The following TAFA1 variants were observed in gnomAD, a reference collection of about 807,000 sequenced individuals.
The protein encoded by TAFA1 is TAFA chemokine like family member 1.
In TAFA1, 4 loss-of-function variants were observed where a neutral mutation model predicts 18.5. The observed-to-expected ratio is 0.22, with a 90% CI of 0.11 to 0.49. The LOEUF (loss-of-function observed/expected upper bound fraction) is 0.49, where lower values mean the gene tolerates loss of function less well. Ranked by LOEUF, TAFA1 falls within the 20% of genes least tolerant of loss-of-function variation. TAFA1 has a pLI of 0.98. For missense variants in TAFA1, 147 were observed against 169.0 expected, an observed-to-expected ratio of 0.87 and a Z score of 0.72; for synonymous variants, 56 against 55.2, an observed-to-expected ratio of 1.01 and a Z score of -0.06.
intron 2 of TAFA1, among the ~76,000 whole-genome samples, chr3:68,120,295 G>T (rs1306686305): frequency 3.4e-5 from 5 of 146,894 alleles, no homozygotes; most frequent in Non-Finnish European, 7.4e-5. Context: ...TGTTGCCCAG[G>T]CTGGAGTGCA....
intron 2 of TAFA1, among the ~76,000 whole-genome samples, chr3:68,046,848 G>GA (rs2064392628): frequency 6.6e-6 from 1 of 152,126 alleles, no homozygotes; most frequent in Non-Finnish European, 1.5e-5. Flanking sequence ...ACATGCTGCT[G>GA]TACTGTATCT....
chr3:68,224,670 A>G (rs959690975), intron 2 of TAFA1, among the ~76,000 whole-genome samples: 2 of 152,146 alleles, frequency 1.3e-5, no homozygotes, highest in African/African-American at 4.8e-5. Context: ...ATAGGCTCTC[A>G]TTTATGGCAG....
chr3:68,288,192 C>A (rs1169095994), intron 2 of TAFA1, among the ~76,000 whole-genome samples: 1 of 152,104 alleles, frequency 6.6e-6, no homozygotes, highest in East Asian at 1.9e-4. Flanking sequence ...CTGCTCCTTG[C>A]AGTAATAACT....
At chr3:68,338,388 G>C (rs541933984) in intron 2 of TAFA1, among the ~76,000 whole-genome samples, 43 of 152,262 alleles carry the variant, frequency 2.8e-4, no homozygotes, top group Middle Eastern at 6.8e-3. Context: ...ACAAAAATAT[G>C]CTTTGTTTGT....
intron 2 of TAFA1, among the ~76,000 whole-genome samples, chr3:68,328,778 C>T (rs980042420): frequency 1.3e-5 from 2 of 151,648 alleles, no homozygotes; most frequent in African/African-American, 2.4e-5. Flanking sequence ...ATGTATATGG[C>T]CTTGCATCTC....
chr3:68,377,716 C>A (rs1187183548), intron 2 of TAFA1, among the ~76,000 whole-genome samples: 1 of 152,158 alleles, frequency 6.6e-6, no homozygotes, highest in East Asian at 1.9e-4. Flanking sequence ...ACAGGCCTTG[C>A]AGCCTAAAAG....
At chr3:68,189,727 T>G (rs1462059443) in intron 2 of TAFA1, among the ~76,000 whole-genome samples, 1 of 151,944 alleles carries the variant, frequency 6.6e-6, no homozygotes, top group African/African-American at 2.4e-5. Flanking sequence ...GTTTCTTCAT[T>G]TCTAAAATGA....
intron 2 of TAFA1, among the ~76,000 whole-genome samples, chr3:68,224,793 G>A (rs1464553102): frequency 6.7e-6 from 1 of 150,080 alleles, no homozygotes; most frequent in African/African-American, 2.4e-5. Context: ...AGCAAAAGGA[G>A]ATTCTAGACT....
intron 2 of TAFA1, among the ~76,000 whole-genome samples, chr3:68,140,950 G>C (rs769543701): frequency 6.6e-6 from 1 of 152,116 alleles, no homozygotes; most frequent in Non-Finnish European, 1.5e-5. Context: ...TGTATAATTT[G>C]TTAAAGTGAC....
intron 2 of TAFA1, among the ~76,000 whole-genome samples, chr3:68,385,711 C>A (rs918706112): frequency 6.6e-6 from 1 of 151,994 alleles, no homozygotes; most frequent in African/African-American, 2.4e-5. Context: ...GTAGGCCAAA[C>A]TCTACTTGCC....
intron 2 of TAFA1, among the ~76,000 whole-genome samples, chr3:68,321,901 C>T (rs543929945): frequency 6.6e-6 from 1 of 152,352 alleles, no homozygotes; most frequent in East Asian, 1.9e-4. Context: ...TTTCTTCTCT[C>T]TTCCATTAAT....
rs540293631 is a variant in TAFA1 at position 68,238,260 on chromosome 3, G to C, written c.119-179020G>C. Among the ~76,000 whole-genome samples the C allele has an allele frequency of 2.0e-5, 3 of 152,164 alleles. No individual in the cohort carries two copies. The East Asian group carries it at 5.8e-4, about 29-fold the overall frequency. Reference sequence around the variant, plus strand: ...GGCTGGTAACACCACTACCATTAGGGCTGAGGTAGGGGACCCCAGGAAGAA... The same window carrying C: ...GGCTGGTAACACCACTACCATTAGGCCTGAGGTAGGGGACCCCAGGAAGAA... On this transcript the variant is annotated intron_variant, in intron 2 of 4. Coordinates refer to ENST00000478136, the MANE Select transcript of TAFA1 (RefSeq NM_213609.4).
intron 2 of TAFA1, among the ~76,000 whole-genome samples, chr3:68,012,165 A>G (rs34250188): frequency 0.65 from 99,147 of 152,144 alleles, 32,523 homozygotes; most frequent in South Asian, 0.79. Context: ...ATAAATCGGC[A>G]TGCCATTTTT....
chr3:68,467,117 T>C (rs1326595897), intron 3 of TAFA1, among the ~76,000 whole-genome samples: 1 of 152,168 alleles, frequency 6.6e-6, no homozygotes, highest in Non-Finnish European at 1.5e-5. Context: ...CAGCTAGACT[T>C]TTAAGGTTAT....
intron 3 of TAFA1, among the ~76,000 whole-genome samples, chr3:68,499,448 T>TC (rs1559695254): frequency 1.1e-5 from 1 of 89,850 alleles, no homozygotes. Context: ...GTTCCTTTCT[T>TC]TTTTTTTTTT....
At chr3:68,217,758 G>A (rs2066677167) in intron 2 of TAFA1, among the ~76,000 whole-genome samples, 1 of 151,852 alleles carries the variant, frequency 6.6e-6, no homozygotes, top group African/African-American at 2.4e-5. Context: ...TGACAATTAA[G>A]ATAACGTGTT....
At chr3:68,187,343 G>C (rs1378434253) in intron 2 of TAFA1, among the ~76,000 whole-genome samples, 1 of 151,944 alleles carries the variant, frequency 6.6e-6, no homozygotes, top group Non-Finnish European at 1.5e-5. Context: ...AACATTGTCA[G>C]ACTTAGATGG....
intron 2 of TAFA1, among the ~76,000 whole-genome samples, chr3:68,123,710 G>A (rs2065428762): frequency 6.6e-6 from 1 of 152,064 alleles, no homozygotes; most frequent in Admixed American, 6.5e-5. Flanking sequence ...TCCATGGGAA[G>A]TATTTCTAAA....
At chr3:68,059,117 A>G (rs1217508072) in intron 2 of TAFA1, among the ~76,000 whole-genome samples, 2 of 152,172 alleles carry the variant, frequency 1.3e-5, no homozygotes, top group African/African-American at 4.8e-5. Flanking sequence ...TATTGGAGAA[A>G]ATTTGTGTGA....
Sources: gnomAD v4.1 joint callset for allele counts (sites outside exome capture counted in the v4.1 genomes callset) on GRCh38, gnomAD v4.1.1 for gene constraint, MANE v1.5 for transcripts, NCBI Gene and HGNC (gene_info 2026-07-23, HGNC 2026-07-21) for gene names.